EXTL3: variants seen among roughly 807,000 people sequenced by gnomAD.
The protein encoded by EXTL3 is exostosin-like 3.
Under a neutral mutation model 69.3 loss-of-function variants are expected in EXTL3, and 27 were observed. The ratio of observed to expected loss-of-function variants is 0.39; its 90% CI spans 0.29 to 0.54. EXTL3 has a LOEUF of 0.54. Ranked by LOEUF, EXTL3 falls within the 20% of genes least tolerant of loss-of-function variation. EXTL3 has a pLI of 0.69. For missense variants in EXTL3, 1,003 were observed against 1,231.8 expected (o/e 0.81, Z 2.78); for synonymous variants, 511 against 499.4 (o/e 1.02, Z -0.31).
At chr8:28,720,769 G>A (rs1053798556) in intron 3 of EXTL3, among the ~76,000 whole-genome samples, 5 of 152,152 alleles carry the variant, frequency 3.3e-5, no homozygotes, top group Non-Finnish European at 5.9e-5. Flanking sequence ...ACAGAGGGGC[G>A]ATGGTGAGTG....
chr8:28,678,644 C>T (rs573753025), intron 1 of EXTL3, among the ~76,000 whole-genome samples: 152 of 152,244 alleles, frequency 1.0e-3, no homozygotes, highest in African/African-American at 3.3e-3. Flanking sequence ...TGCAGAACCA[C>T]GAGCCAAATA....
At position 28,754,139 on chromosome 8, in the gene EXTL3, T is replaced by C. The variant is rs1330959680; in HGVS notation, c.*3273T>C. 1.3e-5 allele frequency: 2 copies of C among 152,204 alleles called. No individual in the cohort carries two copies. Among genetic ancestry groups the C allele is most frequent in the Non-Finnish European group, 2.9e-5 (2 of 68,164 alleles). The allele number at this position is 152,204 out of a possible 1,614,324, so 9.4% of individuals were successfully genotyped here. Reference sequence around the variant, plus strand: ...ACTGTGAATGGCTCGATTCGGTCCATAGGTCATGCCCCTGACCTATAGGTC... The same window carrying C: ...ACTGTGAATGGCTCGATTCGGTCCACAGGTCATGCCCCTGACCTATAGGTC... On this transcript the variant is annotated 3_prime_UTR_variant, in exon 7 of 7. Transcript: ENST00000220562.
intron 1 of EXTL3, among the ~76,000 whole-genome samples, chr8:28,680,714 C>T (rs1319198450): frequency 6.6e-6 from 1 of 152,154 alleles, no homozygotes; most frequent in Non-Finnish European, 1.5e-5. Context: ...TAACATCTCC[C>T]CATACCCCCA....
At chr8:28,689,510 C>T (rs1051462552) in intron 1 of EXTL3, among the ~76,000 whole-genome samples, 2 of 152,150 alleles carry the variant, frequency 1.3e-5, no homozygotes, top group Non-Finnish European at 1.5e-5. Context: ...TTCCATACTT[C>T]AAATGTCATT....
intron 1 of EXTL3, among the ~76,000 whole-genome samples, chr8:28,711,397 T>C (rs1354064850): frequency 6.6e-6 from 1 of 152,218 alleles, no homozygotes; most frequent in Non-Finnish European, 1.5e-5. Context: ...TCGAGACTTT[T>C]CTTCAATGCA....
At position 28,648,168 on chromosome 8, in the gene EXTL3, C is replaced by G. The variant is rs568971479; in HGVS notation, c.-53+25358C>G. On this transcript the variant is annotated intron_variant, in intron 1 of 6. Coordinates refer to the EXTL3 transcript ENST00000523149. ...TTGCCTACTGGTTTCTTATGTCTTT[C>G]TGATGCTGAGTTTCCATACAGGTAG... is the stretch of plus-strand genomic sequence containing the variant. 4.6e-5 allele frequency among the ~76,000 whole-genome samples: 7 copies of G among 152,288 alleles called. No homozygotes were observed. The East Asian group carries it at 1.3e-3, about 29-fold the overall frequency.
intron 1 of EXTL3, among the ~76,000 whole-genome samples, chr8:28,686,729 A>G (rs1807583789): frequency 6.6e-6 from 1 of 152,212 alleles, no homozygotes; most frequent in Admixed American, 6.5e-5. Flanking sequence ...GAGAAAGGAC[A>G]AGATAGACCA....
chr8:28,660,503 T>G lies in EXTL3; in HGVS notation c.-53+37693T>G, dbSNP rs148271759. 8.6e-3 allele frequency among the ~76,000 whole-genome samples: 1,304 copies of G among 152,300 alleles called. 9 individuals carry two copies. The highest frequency in any genetic ancestry group is 0.012 in the Non-Finnish European group (849 of 68,034). Reference sequence around the variant, plus strand: ...GTGTGTGTGTACACACAGACATATATATATACACATACACACACTCCCAAT... The same window carrying G: ...GTGTGTGTGTACACACAGACATATAGATATACACATACACACACTCCCAAT... On this transcript the variant is annotated intron_variant, in intron 1 of 6. Transcript: ENST00000523149.
chr8:28,623,094 G>A lies in EXTL3; in HGVS notation c.-53+284G>A, dbSNP rs1806439928. Among the ~76,000 whole-genome samples, 1 of 152,120 alleles carries A rather than the reference G, an allele frequency of 6.6e-6. No individual in the cohort carries two copies. Among genetic ancestry groups the A allele is most frequent in the Non-Finnish European group, 1.5e-5 (1 of 68,004 alleles). On this transcript the variant is annotated intron_variant, in intron 1 of 6. Coordinates refer to the EXTL3 transcript ENST00000523149. The surrounding 1 kb of genome is among the most constrained non-coding windows in gnomAD (Gnocchi z 4.2). ...GTGGACGTGAACTCCGGGGTGGGCTGGGCTGGGTTTCTACAGAGGCGGGAA... is the reference window on the plus strand; with the variant it reads ...GTGGACGTGAACTCCGGGGTGGGCTAGGCTGGGTTTCTACAGAGGCGGGAA...
At chr8:28,695,661 C>A (rs529998223) in intron 1 of EXTL3, among the ~76,000 whole-genome samples, 40 of 152,334 alleles carry the variant, frequency 2.6e-4, no homozygotes, top group South Asian at 1.2e-3. Context: ...CACTCTGTCA[C>A]GTGACTTAGT....
rs999113088 is a variant in EXTL3, at chr8:28,668,865, C to CTTTTTTTTTTTTTTTTTTT, written c.-52-44576_-52-44575insTTTTTTTTTTTTTTTTTTT. Reference sequence around the variant, plus strand: ...ACCCCTGCCTCCTTTGATAGAATCTCTTTTTTTTTTTTTTTTGAGACAGAG... The same window carrying CTTTTTTTTTTTTTTTTTTT: ...ACCCCTGCCTCCTTTGATAGAATCTCTTTTTTTTTTTTTTTTTTTTTTTTTTTTTTTTTTTGAGACAGAG... On this transcript the variant is annotated intron_variant, in intron 1 of 6. Coordinates refer to the EXTL3 transcript ENST00000523149. Among the ~76,000 whole-genome samples, 3 of 94,476 alleles carry CTTTTTTTTTTTTTTTTTTT rather than the reference C, an allele frequency of 3.2e-5. 1 individual carries two copies. Among genetic ancestry groups the CTTTTTTTTTTTTTTTTTTT allele is most frequent in the Non-Finnish European group, 5.8e-5 (3 of 51,950 alleles). 62.0% of individuals were successfully genotyped at this position (94,476 alleles called of 152,430 possible). A position where few individuals can be genotyped will look rare whatever the true frequency, so the allele number is the denominator to read the frequency against.
intron 1 of EXTL3, among the ~76,000 whole-genome samples, chr8:28,632,626 T>C (rs1185511633): frequency 4.0e-5 from 6 of 148,334 alleles, no homozygotes; most frequent in South Asian, 2.2e-4. Context: ...CGATCTCGGC[T>C]CACCACAACC....
chr8:28,678,495 C>G (rs1176046597), intron 1 of EXTL3, among the ~76,000 whole-genome samples: 1 of 151,942 alleles, frequency 6.6e-6, no homozygotes. Context: ...GCCTGGCACC[C>G]CTCTCCCCTC....
intron 1 of EXTL3, among the ~76,000 whole-genome samples, chr8:28,639,288 G>T (rs962808428): frequency 6.6e-6 from 1 of 152,048 alleles, no homozygotes; most frequent in African/African-American, 2.4e-5. Context: ...ACCAAGTCCA[G>T]TCCCGGGTTC....
chr8:28,636,938 C>T (rs1437166951), intron 1 of EXTL3, among the ~76,000 whole-genome samples: 6 of 150,346 alleles, frequency 4.0e-5, no homozygotes, highest in Non-Finnish European at 4.4e-5. Context: ...GCTGAGATCC[C>T]GCCATTGCAC....
chr8:28,723,789 A>C (rs1801350414), intron 3 of EXTL3, among the ~76,000 whole-genome samples: 1 of 151,828 alleles, frequency 6.6e-6, no homozygotes, highest in Admixed American at 6.6e-5. Flanking sequence ...CTACAGGCGC[A>C]TACCACCACG....
At chr8:28,663,321 G>C (rs576013212) in intron 1 of EXTL3, among the ~76,000 whole-genome samples, 6 of 152,296 alleles carry the variant, frequency 3.9e-5, no homozygotes, top group Admixed American at 6.5e-5. Flanking sequence ...GTAAGACCCT[G>C]CCCCTCCCTC....
intron 2 of EXTL3, among the ~76,000 whole-genome samples, chr8:28,617,437 T>TA (rs1806343747): frequency 6.6e-6 from 1 of 152,210 alleles, no homozygotes; most frequent in Admixed American, 6.5e-5. Flanking sequence ...ATATGTACAA[T>TA]ATACACTGTA....
chr8:28,747,093 G>A (rs187358637), intron 6 of EXTL3, among the ~76,000 whole-genome samples: 3 of 152,298 alleles, frequency 2.0e-5, no homozygotes, highest in Admixed American at 1.3e-4. Context: ...AGGTTAAAGG[G>A]CATTTCTCCT....
Sources: allele counts gnomAD v4.1 joint callset (sites outside exome capture counted in the v4.1 genomes callset), GRCh38; gene constraint gnomAD v4.1.1; non-coding constraint Gnocchi (gnomAD v3.1); transcripts MANE v1.5; gene names NCBI Gene and HGNC (gene_info 2026-07-23, HGNC 2026-07-21).